Variants in SI observed in about 807,000 individuals in gnomAD.
SI encodes sucrase-isomaltase, intestinal.
SI carries 235 observed loss-of-function variants against 253.3 expected under a neutral mutation model. The observed-to-expected ratio is 0.93, with a 90% CI of 0.83 to 1.03. The LOEUF (loss-of-function observed/expected upper bound fraction) is 1.03. Among genes scored for constraint, SI ranks in the 50% least tolerant of loss-of-function variants. The pLI is 0.00. For synonymous variants in SI, 819 were observed against 712.0 expected, an observed-to-expected ratio of 1.15 and a Z score of -2.39; for missense variants, 2,442 against 2,211.1, an observed-to-expected ratio of 1.10 and a Z score of -2.09.
At chr3:164,989,689 C>A (rs187188111) in intron 44 of SI, among the ~76,000 whole-genome samples, 2 of 151,972 alleles carry the variant, frequency 1.3e-5, no homozygotes, top group African/African-American at 2.4e-5. Flanking sequence ...GAAAGAGACA[C>A]CTCCAAGCAA....
At position 165,032,696 on chromosome 3, in the gene SI, A is replaced by C; in HGVS notation, c.2566-4T>G. 1 of 1,574,846 alleles carries C rather than the reference A, an allele frequency of 6.3e-7. No individual in the cohort carries two copies. The highest frequency in any genetic ancestry group is 8.7e-7 in the Non-Finnish European group (1 of 1,146,946). Reference sequence around the variant, plus strand: ...TGCACACAATATCTAATGTGTTCTGAGAAAAATAGTATAAGATATTATATA... The same window carrying C: ...TGCACACAATATCTAATGTGTTCTGCGAAAAATAGTATAAGATATTATATA... On this transcript the variant is annotated splice_polypyrimidine_tract_variant and splice_region_variant and intron_variant, in intron 23 of 47. Coordinates refer to ENST00000264382, the MANE Select transcript of SI (RefSeq NM_001041.4).
rs772061269 is a variant in SI, at chr3:165,075,997, ATTTC to A, written c.12_15del (p.Lys4AsnfsTer9). The A allele has an allele frequency of 5.0e-6, 8 of 1,585,816 alleles. No homozygotes were observed. Among genetic ancestry groups the A allele is most frequent in the South Asian group, 1.1e-5 (1 of 87,572 alleles). The stretch of plus-strand genomic sequence containing the variant: ...ATCAGAGAGATTTCCAATCCACTAA[ATTTC>A]TTTCTTGCCATCTAAAAACAGAAAA... On this transcript the variant is annotated frameshift_variant, in exon 2 of 48. Coordinates refer to ENST00000264382, the MANE Select transcript of SI (RefSeq NM_001041.4). LOFTEE classifies it high-confidence loss of function.
chr3:164,996,450 CA>C (rs1382888510), intron 40 of SI, 84 bp downstream of exon 40: 11 of 838,622 alleles, frequency 1.3e-5, no homozygotes, highest in Non-Finnish European at 2.3e-5. Context: ...ATAAATATAC[CA>C]GCTAACCAAG....
chr3:165,031,810 A>G (rs772668160), intron 24 of SI, among the ~76,000 whole-genome samples: 1 of 151,104 alleles, frequency 6.6e-6, no homozygotes, highest in Non-Finnish European at 1.5e-5. Flanking sequence ...TAATACATCA[A>G]TCTACTACCC....
intron 12 of SI, among the ~76,000 whole-genome samples, chr3:165,057,880 C>T (rs1006852297): frequency 1.3e-5 from 2 of 151,954 alleles, no homozygotes; most frequent in African/African-American, 4.8e-5. Context: ...ATCATCCAGA[C>T]AGACAGAAAA....
chr3:165,020,979 A>G (rs1711578580), intron 27 of SI, among the ~76,000 whole-genome samples: 1 of 151,686 alleles, frequency 6.6e-6, no homozygotes, highest in Non-Finnish European at 1.5e-5. Context: ...CTTGATTAGA[A>G]GAATGAGTCT....
upstream of SI, among the ~76,000 whole-genome samples, chr3:165,079,978 A>G (rs1032519326): frequency 2.0e-5 from 3 of 151,950 alleles, no homozygotes; most frequent in Non-Finnish European, 4.4e-5. Context: ...ATCTAAATCA[A>G]AACTCCATGA....
Position 164,992,161 on chromosome 3 carries a change from T to A in SI, c.4983+16A>T. On this transcript the variant is annotated intron_variant, in intron 43 of 47. Coordinates refer to ENST00000264382, the MANE Select transcript of SI (RefSeq NM_001041.4). ...TTTCTGTTTAGTTAATTCCCCAGAA[T>A]TCCTTAAATACTTACTGTATGGTAG... The A allele has an allele frequency of 3.7e-6, 6 of 1,602,266 alleles. No individual in the cohort carries two copies. The highest frequency in any genetic ancestry group is 5.1e-6 in the Non-Finnish European group (6 of 1,171,082).
chr3:165,088,601 A>G, the SI span, among the ~76,000 whole-genome samples: 1 of 152,102 alleles, frequency 6.6e-6, no homozygotes, highest in Non-Finnish European at 1.5e-5. Flanking sequence ...AGATTGTGCC[A>G]CTGCACTCCA....
At chr3:165,068,514 CA>C (rs1370008263) in intron 5 of SI, among the ~76,000 whole-genome samples, 1 of 152,156 alleles carries the variant, frequency 6.6e-6, no homozygotes, top group East Asian at 1.9e-4. Flanking sequence ...GCTGGGATTA[CA>C]GGCGCCCGCC....
intron 25 of SI, among the ~76,000 whole-genome samples, chr3:165,029,556 A>T (rs1185167994): frequency 1.4e-5 from 2 of 146,962 alleles, no homozygotes; most frequent in Admixed American, 6.9e-5. Flanking sequence ...ATGAGTGGAT[A>T]AAAAAACTGT....
At chr3:164,996,145 G>C (rs1490754692) in intron 40 of SI, among the ~76,000 whole-genome samples, 1 of 151,668 alleles carries the variant, frequency 6.6e-6, no homozygotes, top group Non-Finnish European at 1.5e-5. Context: ...TTTCCAGTGC[G>C]GGGACCATGT....
chr3:165,051,861 A>G (rs1185373966), intron 13 of SI, among the ~76,000 whole-genome samples: 2 of 151,990 alleles, frequency 1.3e-5, no homozygotes, highest in African/African-American at 4.8e-5. Context: ...AATTGGTTTT[A>G]CTGAAAATAA....
chr3:165,068,108 C>G (rs1390152447), intron 5 of SI, among the ~76,000 whole-genome samples: 2 of 151,900 alleles, frequency 1.3e-5, no homozygotes, highest in Non-Finnish European at 2.9e-5. Context: ...AATTTATAAT[C>G]AGTGAAAGTA....
chr3:165,071,228 A>G (rs1245641405), intron 3 of SI, among the ~76,000 whole-genome samples: 3 of 152,094 alleles, frequency 2.0e-5, no homozygotes, highest in African/African-American at 7.2e-5. Context: ...CATATTAATT[A>G]AAAATGTATC....
At chr3:165,013,141 T>C in intron 33 of SI, 99 bp from the exon 34 acceptor site, 3 of 801,750 alleles carry the variant, frequency 3.7e-6, no homozygotes, top group Admixed American at 1.7e-5. Flanking sequence ...GGCTTATTAT[T>C]AACTCAAAGT....
chr3:164,990,590 C>A (rs1399495517), intron 44 of SI, among the ~76,000 whole-genome samples: 1 of 152,078 alleles, frequency 6.6e-6, no homozygotes, highest in African/African-American at 2.4e-5. Flanking sequence ...AGTTCATATC[C>A]TTTGTAGGGA....
chr3:165,001,397 C>T (rs1442347919), intron 37 of SI, among the ~76,000 whole-genome samples: 2 of 151,206 alleles, frequency 1.3e-5, no homozygotes, highest in Non-Finnish European at 3.0e-5. Flanking sequence ...ATAAATTTTC[C>T]CAACTCACAT....
chr3:165,009,419 A>C (rs768355929), intron 34 of SI, 24 bp from the exon 35 acceptor site: 94 of 1,292,516 alleles, frequency 7.3e-5, no homozygotes, highest in Middle Eastern at 3.7e-4. Context: ...ATTTAGGCTC[A>C]CATGTGGAAA....
Sources: allele counts gnomAD v4.1 joint callset (sites outside exome capture counted in the v4.1 genomes callset), GRCh38; gene constraint gnomAD v4.1.1; transcripts MANE v1.5; gene names NCBI Gene and HGNC (gene_info 2026-07-23, HGNC 2026-07-21).